The following DYNLRB2 variants were observed in gnomAD, a reference collection of about 807,000 sequenced individuals.
DYNLRB2 encodes dynein light chain roadblock-type 2.
In DYNLRB2, 14 loss-of-function variants were observed where a neutral mutation model predicts 12.6. That is an observed-to-expected ratio of 1.11 (90% CI 0.73 to 1.73). The LOEUF (loss-of-function observed/expected upper bound fraction) is 1.73, where lower values mean the gene tolerates loss of function less well. Among genes scored for constraint, DYNLRB2 ranks in the 40% most tolerant of loss-of-function variants. The pLI is 0.00. For synonymous variants in DYNLRB2, 53 were observed against 37.0 expected (o/e 1.43, Z -1.57); for missense variants, 142 against 117.7 (o/e 1.21, Z -0.95).
intron 1 of DYNLRB2, 169 bp downstream of exon 1, chr16:80,541,248 G>C (rs2142302719): frequency 1.0e-6 from 1 of 958,566 alleles, no homozygotes; most frequent in African/African-American, 1.8e-5. Flanking sequence ...CCTTGGAAAG[G>C]GGCAAGAAGA....
intron 2 of DYNLRB2, 122 bp from the exon 3 acceptor site, chr16:80,549,362 G>A: frequency 1.0e-6 from 1 of 979,242 alleles, no homozygotes; most frequent in Non-Finnish European, 1.4e-6. Flanking sequence ...TGTTACCAGA[G>A]AGGGATAAGC....
intron 2 of DYNLRB2, among the ~76,000 whole-genome samples, chr16:80,545,891 G>A (rs375460832): frequency 6.7e-6 from 1 of 149,808 alleles, no homozygotes; most frequent in African/African-American, 2.5e-5. Context: ...CCATGGTTTC[G>A]ATCTCCTGAC....
intron 2 of DYNLRB2, among the ~76,000 whole-genome samples, chr16:80,546,543 C>A (rs538449966): frequency 2.5e-4 from 38 of 152,280 alleles, no homozygotes; most frequent in Admixed American, 2.3e-3. Flanking sequence ...GTAGTCTTCC[C>A]AATTTAGCCC....
chr16:80,541,425 A>T (rs949936492), intron 1 of DYNLRB2: 394 of 983,486 alleles, frequency 4.0e-4, no homozygotes, highest in Admixed American at 1.2e-3. Context: ...CGGGAGGCCG[A>T]GATGGAGAGG....
chr16:80,550,102 G>C (rs137908547), intron 3 of DYNLRB2, among the ~76,000 whole-genome samples: 1 of 152,140 alleles, frequency 6.6e-6, no homozygotes, highest in African/African-American at 2.4e-5. Flanking sequence ...GAAGGAATTA[G>C]GTTCGCAATA....
Position 80,545,155 on chromosome 16 carries a change from G to A in DYNLRB2, c.79+1804G>A, listed in dbSNP as rs1355390409. On this transcript the variant is annotated intron_variant, in intron 2 of 3. Transcript: ENST00000305904. ...TCTTGGTCTAAAGTAGGTAATCCTGGTGATATGCCTCAAAGGTCTGAAAAA... is the reference window on the plus strand; with the variant it reads ...TCTTGGTCTAAAGTAGGTAATCCTGATGATATGCCTCAAAGGTCTGAAAAA... 2.0e-5 allele frequency among the ~76,000 whole-genome samples: 3 copies of A among 152,054 alleles called. No individual in the cohort carries two copies. The South Asian group carries it at 6.2e-4, about 31-fold the overall frequency.
chr16:80,544,939 G>T (rs745730360), intron 2 of DYNLRB2: 2 of 152,122 alleles, frequency 1.3e-5, no homozygotes, highest in Non-Finnish European at 2.9e-5. Context: ...GGGCCTACCC[G>T]AATCCAATGT....
intron 2 of DYNLRB2, among the ~76,000 whole-genome samples, chr16:80,543,927 C>T (rs1054061817): frequency 6.6e-6 from 1 of 152,212 alleles, no homozygotes; most frequent in Non-Finnish European, 1.5e-5. Context: ...TAAGAATCCA[C>T]ATCACATTTA....
At chr16:80,549,783 T>C (rs1904726653) in intron 3 of DYNLRB2, 132 bp downstream of exon 3, 1 of 1,008,522 alleles carries the variant, frequency 9.9e-7, no homozygotes, top group South Asian at 3.9e-5. Flanking sequence ...TACAAAATGA[T>C]GTTTGAATGT....
At chr16:80,545,666 C>CTTTGTTTTTTTTTTTTTT (rs1904410574) in intron 2 of DYNLRB2, among the ~76,000 whole-genome samples, 1 of 74,884 alleles carries the variant, frequency 1.3e-5, no homozygotes, top group Non-Finnish European at 2.5e-5. Context: ...CCATTAGCTT[C>CTTTGTTTTTTTTTTTTTT]TTTTTTTTTT....
Position 80,543,282 on chromosome 16 carries a change from G to A in DYNLRB2, c.10G>A (p.Val4Met), listed in dbSNP as rs149421698. 109 of 1,613,884 alleles carry A rather than the reference G, an allele frequency of 6.8e-5. No homozygotes were observed. The highest frequency in any genetic ancestry group is 8.9e-5 in the Non-Finnish European group (105 of 1,179,912). The change falls in exon 2 of 4, where the codon GTG (valine) becomes ATG (methionine). Residue 4 changes from valine (V) to methionine (M), a missense_variant. Physicochemically the swap from Val to Met is conservative, Grantham distance 21. Transcript: ENST00000305904. ...TCTTCCTGGTCTCTTTCAGGCAGAGGTGGAGGAAACCTTAAAGAGGATCCA... is the reference window on the plus strand; with the variant it reads ...TCTTCCTGGTCTCTTTCAGGCAGAGATGGAGGAAACCTTAAAGAGGATCCA... Reference protein sequence around the residue: MAEVEETLKRIQSH... With the variant: MAEMEETLKRIQSH...
chr16:80,543,701 G>T (rs9937836), intron 2 of DYNLRB2, among the ~76,000 whole-genome samples: 126,373 of 152,260 alleles, frequency 0.83, 55,145 homozygotes, highest in Non-Finnish European at 0.98. Context: ...TTGTTGGTGG[G>T]TTGTTTGCGT....
chr16:80,542,860 A>G (rs1904301119), intron 1 of DYNLRB2, among the ~76,000 whole-genome samples: 1 of 152,234 alleles, frequency 6.6e-6, no homozygotes. Flanking sequence ...GGAGGCCATG[A>G]TATAGCTCTA....
intron 2 of DYNLRB2, among the ~76,000 whole-genome samples, chr16:80,546,419 T>C (rs915548795): frequency 6.6e-6 from 1 of 152,248 alleles, no homozygotes; most frequent in African/African-American, 2.4e-5. Context: ...ATATTTGTGG[T>C]TAGGTCAGAC....
At chr16:80,541,288 ATTGATTTCGC>A in intron 1 of DYNLRB2, 1 of 966,050 alleles carries the variant, frequency 1.0e-6, no homozygotes, top group Non-Finnish European at 1.2e-6. Flanking sequence ...TGTTTTGGGA[ATTGATTTCGC>A]GGGGATGGTA....
chr16:80,549,195 T>C (rs1033372710), intron 2 of DYNLRB2: 3 of 356,850 alleles, frequency 8.4e-6, no homozygotes, highest in African/African-American at 6.2e-5. Context: ...TATGCAGTTA[T>C]TAAAAATAAT....
chr16:80,541,844 A>G (rs978517906), intron 1 of DYNLRB2, among the ~76,000 whole-genome samples: 3 of 152,206 alleles, frequency 2.0e-5, no homozygotes, highest in African/African-American at 4.8e-5. Flanking sequence ...AGATTGCCCA[A>G]AATGCAGTGA....
At chr16:80,541,128 C>A in intron 1 of DYNLRB2, 49 bp downstream of exon 1, 2 of 1,590,726 alleles carry the variant, frequency 1.3e-6, no homozygotes, top group South Asian at 1.1e-5. Flanking sequence ...GCACGCCGAC[C>A]GTCAAGGACC....
chr16:80,550,132 T>C (rs996408188), intron 3 of DYNLRB2, among the ~76,000 whole-genome samples: 20 of 152,228 alleles, frequency 1.3e-4, no homozygotes, highest in Admixed American at 1.2e-3. Context: ...GACTGTACAA[T>C]GGGACCTATG....
Sources: gnomAD v4.1 joint callset for allele counts (sites outside exome capture counted in the v4.1 genomes callset) on GRCh38, gnomAD v4.1.1 for gene constraint, MANE v1.5 for transcripts, NCBI Gene and HGNC (gene_info 2026-07-23, HGNC 2026-07-21) for gene names.